Variants in GRID2 observed in about 807,000 individuals in gnomAD.
The protein encoded by GRID2 is glutamate ionotropic receptor delta type subunit 2, also known as glutamate receptor ionotropic, delta-2.
GRID2 carries 33 observed loss-of-function variants against 114.8 expected under a neutral mutation model. That is an observed-to-expected ratio of 0.29 (90% CI 0.22 to 0.38). The LOEUF (loss-of-function observed/expected upper bound fraction) is 0.38. Ranked by LOEUF, GRID2 falls within the 10% of genes least tolerant of loss-of-function variation. The pLI, the probability that GRID2 is intolerant of heterozygous loss-of-function variation, is 1.00. For synonymous variants in GRID2, 505 were observed against 449.9 expected (o/e 1.12, Z -1.55); for missense variants, 1,184 against 1,257.7 (o/e 0.94, Z 0.89).
chr4:92,500,209 C>G (rs1179961990), intron 1 of GRID2, among the ~76,000 whole-genome samples: 1 of 151,866 alleles, frequency 6.6e-6, no homozygotes, highest in Non-Finnish European at 1.5e-5. Flanking sequence ...TGACCCCTAC[C>G]TAGCTGTAGT....
chr4:93,737,483 G>A (rs1406899359), intron 14 of GRID2, among the ~76,000 whole-genome samples: 1 of 151,980 alleles, frequency 6.6e-6, no homozygotes, highest in Non-Finnish European at 1.5e-5. Context: ...CCAGCATTTG[G>A]GGAGGATGAG....
At chr4:93,351,001 G>A (rs1174322970) in intron 8 of GRID2, among the ~76,000 whole-genome samples, 1 of 151,948 alleles carries the variant, frequency 6.6e-6, no homozygotes, top group Non-Finnish European at 1.5e-5. Context: ...GAGAGTGTGT[G>A]CAGGGGAACT....
intron 4 of GRID2, among the ~76,000 whole-genome samples, chr4:93,181,459 A>G (rs568592394): frequency 1.3e-5 from 2 of 152,318 alleles, no homozygotes; most frequent in African/African-American, 4.8e-5. Context: ...GTCATCAGCT[A>G]TATTAACCCT....
intron 8 of GRID2, among the ~76,000 whole-genome samples, chr4:93,310,899 G>A (rs1755942320): frequency 6.6e-6 from 1 of 152,138 alleles, no homozygotes; most frequent in Admixed American, 6.5e-5. Context: ...TAGGATTACA[G>A]TCTTATCTTT....
chr4:93,311,579 C>T (rs914044166), intron 8 of GRID2, among the ~76,000 whole-genome samples: 23 of 152,162 alleles, frequency 1.5e-4, no homozygotes, highest in Non-Finnish European at 2.8e-4. Context: ...AGCAAATTGG[C>T]TGTACTGGTT....
intron 2 of GRID2, among the ~76,000 whole-genome samples, chr4:92,635,533 C>T (rs534213748): frequency 1.8e-4 from 27 of 151,416 alleles, no homozygotes; most frequent in Admixed American, 4.6e-4. Context: ...TTTTAATCTG[C>T]GTTGTTTGTA....
intron 2 of GRID2, among the ~76,000 whole-genome samples, chr4:92,975,750 C>G (rs573247157): frequency 2.8e-4 from 42 of 152,144 alleles, no homozygotes; most frequent in South Asian, 6.2e-4. Context: ...AGCACTGCAA[C>G]TCTAGGTTAC....
At chr4:92,992,003 C>A (rs1040149388) in intron 2 of GRID2, among the ~76,000 whole-genome samples, 1 of 152,064 alleles carries the variant, frequency 6.6e-6, no homozygotes, top group Non-Finnish European at 1.5e-5. Context: ...AGGTAAATTG[C>A]ACTGTCTCGT....
chr4:93,463,918 G>A (rs1024971473), intron 11 of GRID2, among the ~76,000 whole-genome samples: 7 of 152,104 alleles, frequency 4.6e-5, no homozygotes, highest in African/African-American at 1.7e-4. Context: ...GAACCTGGGA[G>A]GTGGAGCTTG....
chr4:93,382,599 A>G (rs1050984101), intron 8 of GRID2, among the ~76,000 whole-genome samples: 12 of 151,674 alleles, frequency 7.9e-5, no homozygotes, highest in African/African-American at 2.9e-4. Context: ...CTATCTCTTT[A>G]TGGACGTTTA....
chr4:92,777,068 A>T (rs1364548963), intron 2 of GRID2, among the ~76,000 whole-genome samples: 1 of 151,876 alleles, frequency 6.6e-6, no homozygotes, highest in Admixed American at 6.6e-5. Context: ...TCCTCCGCTC[A>T]TGGAAGTGCT....
At chr4:92,949,098 G>A (rs1221269969) in intron 2 of GRID2, among the ~76,000 whole-genome samples, 1 of 151,272 alleles carries the variant, frequency 6.6e-6, no homozygotes, top group Non-Finnish European at 1.5e-5. Flanking sequence ...AAAAAGATCT[G>A]GAGGCATCCT....
intron 8 of GRID2, among the ~76,000 whole-genome samples, chr4:93,330,154 CT>C: frequency 6.6e-6 from 1 of 152,256 alleles, no homozygotes; most frequent in African/African-American, 2.4e-5. Flanking sequence ...AACAAAAGTG[CT>C]TTCTCCTGCT....
At chr4:92,846,654 C>T (rs923728349) in intron 2 of GRID2, among the ~76,000 whole-genome samples, 2 of 152,058 alleles carry the variant, frequency 1.3e-5, no homozygotes, top group African/African-American at 4.8e-5. Context: ...CACCTGCATT[C>T]CCACTGTCCA....
At chr4:93,418,909 A>G (rs1234683688) in intron 9 of GRID2, among the ~76,000 whole-genome samples, 1 of 151,972 alleles carries the variant, frequency 6.6e-6, no homozygotes. Context: ...ATTTTAATCC[A>G]TAGGTGGAAA....
At chr4:93,417,304 A>G (rs914947024) in intron 9 of GRID2, among the ~76,000 whole-genome samples, 1 of 152,114 alleles carries the variant, frequency 6.6e-6, no homozygotes, top group Non-Finnish European at 1.5e-5. Context: ...TTACTATCCC[A>G]TTTCCCTTCC....
chr4:93,759,303 C>G (rs1207221219), intron 14 of GRID2, among the ~76,000 whole-genome samples: 2 of 152,048 alleles, frequency 1.3e-5, no homozygotes, highest in Admixed American at 6.6e-5. Context: ...TGACTCTAAC[C>G]TAGAGAGATC....
chr4:92,588,937 T>C (rs7694499), intron 1 of GRID2, among the ~76,000 whole-genome samples: 41,176 of 151,648 alleles, frequency 0.27, 5,706 homozygotes, highest in Middle Eastern at 0.37. Flanking sequence ...ATCCCGTCTC[T>C]ACTAAAAACA....
chr4:92,705,393 A>G (rs1173238498), intron 2 of GRID2, among the ~76,000 whole-genome samples: 1 of 152,204 alleles, frequency 6.6e-6, no homozygotes, highest in Non-Finnish European at 1.5e-5. Context: ...CATTGTTGAA[A>G]GTGCTTAAGA....
Sources: gnomAD v4.1 joint callset for allele counts (sites outside exome capture counted in the v4.1 genomes callset) on GRCh38, gnomAD v4.1.1 for gene constraint, MANE v1.5 for transcripts, NCBI Gene and HGNC (gene_info 2026-07-23, HGNC 2026-07-21) for gene names.